The following COMMD10 variants were observed in gnomAD, a reference collection of about 807,000 sequenced individuals.
The protein encoded by COMMD10 is COMM domain-containing protein 10.
In COMMD10, 33 loss-of-function variants were observed where a neutral mutation model predicts 28.9. The ratio of observed to expected loss-of-function variants is 1.14; its 90% CI spans 0.87 to 1.53. The LOEUF (loss-of-function observed/expected upper bound fraction) is 1.53, where lower values mean the gene tolerates loss of function less well. COMMD10 is among the 40% of genes most tolerant of loss of function. The pLI, the probability that COMMD10 is intolerant of heterozygous loss-of-function variation, is 0.00. For missense variants in COMMD10, 310 were observed against 233.4 expected (o/e 1.33, Z -2.14); for synonymous variants, 110 against 81.7 (o/e 1.35, Z -1.87).
In COMMD10 at chr5:116,292,529, C is replaced by G. The variant is rs529094939; in HGVS notation, c.*40C>G. 3.2e-6 allele frequency: 5 copies of G among 1,541,780 alleles called. No homozygotes were observed. The East Asian group carries it at 1.1e-4, about 35-fold the overall frequency. On this transcript the variant is annotated 3_prime_UTR_variant, in exon 7 of 7. Transcript: ENST00000274458. The stretch of plus-strand genomic sequence containing the variant: ...GTTTTTTTCATCACGCTCCTGCCAC[C>G]TCATTATTTTGCATTGAAGATACAT...
chr5:116,166,719 C>G (rs549561547), intron 5 of COMMD10, among the ~76,000 whole-genome samples: 50 of 152,252 alleles, frequency 3.3e-4, no homozygotes, highest in African/African-American at 1.2e-3. Context: ...GAGTGGACCT[C>G]CAGCAAACTC....
At chr5:116,134,032 T>A (rs1284592701) in intron 4 of COMMD10, 36 bp from the exon 5 acceptor site, 1 of 1,161,890 alleles carries the variant, frequency 8.6e-7, no homozygotes, top group Non-Finnish European at 1.3e-6. Flanking sequence ...CTTCCTTCTG[T>A]ACCATCTGAT....
intron 5 of COMMD10, among the ~76,000 whole-genome samples, chr5:116,165,711 C>T (rs1753067494): frequency 6.7e-6 from 1 of 150,120 alleles, no homozygotes; most frequent in Admixed American, 6.6e-5. Flanking sequence ...TTTTTTCTTA[C>T]CTTGTTATTT....
intron 3 of COMMD10, among the ~76,000 whole-genome samples, chr5:116,091,615 C>T (rs1254010787): frequency 1.3e-5 from 2 of 152,148 alleles, no homozygotes; most frequent in African/African-American, 4.8e-5. Context: ...AGGCTCATCT[C>T]CTTTACTTGA....
At chr5:116,129,339 A>G (rs1293648289) in intron 4 of COMMD10, among the ~76,000 whole-genome samples, 1 of 146,084 alleles carries the variant, frequency 6.8e-6, no homozygotes, top group Non-Finnish European at 1.5e-5. Flanking sequence ...TTTTGTATAT[A>G]TAGTATAGTA....
At chr5:116,229,536 A>C (rs533036224) in intron 5 of COMMD10, among the ~76,000 whole-genome samples, 1 of 152,176 alleles carries the variant, frequency 6.6e-6, no homozygotes, top group East Asian at 1.9e-4. Context: ...TCAGCAAGCA[A>C]TTATTGAGCA....
At chr5:116,200,279 A>G (rs942453599) in intron 5 of COMMD10, among the ~76,000 whole-genome samples, 2 of 151,936 alleles carry the variant, frequency 1.3e-5, no homozygotes, top group African/African-American at 4.8e-5. Flanking sequence ...GTTTCTGAGG[A>G]AAAATTGGAT....
intron 5 of COMMD10, among the ~76,000 whole-genome samples, chr5:116,212,991 T>C (rs2112635607): frequency 1.3e-5 from 2 of 152,242 alleles, no homozygotes; most frequent in East Asian, 3.9e-4. Flanking sequence ...CTCTGTAAAT[T>C]ACACAATGAT....
intron 5 of COMMD10, among the ~76,000 whole-genome samples, chr5:116,177,720 G>A (rs976328796): frequency 5.9e-5 from 9 of 151,960 alleles, no homozygotes; most frequent in Non-Finnish European, 1.0e-4. Context: ...CTTTGCGTCT[G>A]GAAAAATCTA....
At chr5:116,275,022 C>G (rs912720832) in intron 5 of COMMD10, among the ~76,000 whole-genome samples, 40 of 151,754 alleles carry the variant, frequency 2.6e-4, no homozygotes, top group Non-Finnish European at 5.1e-4. Context: ...TTAAACTGAA[C>G]TTGAAATTCC....
intron 1 of COMMD10, 35 bp from the exon 2 acceptor site, chr5:116,087,462 C>T: frequency 7.3e-7 from 1 of 1,361,806 alleles, no homozygotes; most frequent in South Asian, 1.2e-5. Flanking sequence ...ACTTGGAAAA[C>T]TCATTTCAAA....
chr5:116,088,096 A>G (rs892638861), intron 2 of COMMD10, among the ~76,000 whole-genome samples: 1 of 152,172 alleles, frequency 6.6e-6, no homozygotes, highest in African/African-American at 2.4e-5. Flanking sequence ...GTAATTCTCT[A>G]CCTGGCCCAA....
chr5:116,110,187 A>G (rs942694358), intron 4 of COMMD10, among the ~76,000 whole-genome samples: 4 of 152,092 alleles, frequency 2.6e-5, no homozygotes, highest in East Asian at 1.9e-4. Context: ...TGACTTGTGT[A>G]TTTTGAACCA....
chr5:116,194,292 C>T (rs921767958), intron 5 of COMMD10, among the ~76,000 whole-genome samples: 1 of 151,824 alleles, frequency 6.6e-6, no homozygotes, highest in Non-Finnish European at 1.5e-5. Flanking sequence ...CAAACCCAAA[C>T]CCAGCAAAAG....
chr5:116,141,896 G>C (rs181438456), intron 5 of COMMD10, among the ~76,000 whole-genome samples: 38 of 151,798 alleles, frequency 2.5e-4, no homozygotes, highest in Admixed American at 7.9e-4. Flanking sequence ...TTAAATGTAG[G>C]ATAATGTCAT....
chr5:116,154,913 G>C (rs910197633), intron 5 of COMMD10, among the ~76,000 whole-genome samples: 1 of 151,968 alleles, frequency 6.6e-6, no homozygotes, highest in African/African-American at 2.4e-5. Context: ...GGAGTGCTTT[G>C]GGAAAGTACC....
intron 5 of COMMD10, among the ~76,000 whole-genome samples, chr5:116,161,280 T>C (rs555185752): frequency 1.1e-4 from 16 of 152,326 alleles, no homozygotes; most frequent in African/African-American, 3.8e-4. Flanking sequence ...TGAATGCTTA[T>C]CTCCTAGGGT....
intron 4 of COMMD10, among the ~76,000 whole-genome samples, chr5:116,098,942 C>T (rs1750557272): frequency 6.6e-6 from 1 of 152,178 alleles, no homozygotes; most frequent in Non-Finnish European, 1.5e-5. Flanking sequence ...TCTGTCACCA[C>T]ACAGTTACCA....
In COMMD10 at chr5:116,111,124, G is replaced by A. The variant is rs946684892; in HGVS notation, c.399+18424G>A. 3.9e-5 allele frequency among the ~76,000 whole-genome samples: 6 copies of A among 152,130 alleles called. No homozygotes were observed. In the South Asian group the frequency reaches 8.3e-4, roughly 21 times the overall value. On this transcript the variant is annotated intron_variant, in intron 4 of 6. Transcript: ENST00000274458. ...GAATTTTTCTCATATCATTTGTAAC[G>A]TCTCCATTTTGATTTCTTATTATAT...
Sources: allele counts gnomAD v4.1 joint callset (sites outside exome capture counted in the v4.1 genomes callset), GRCh38; gene constraint gnomAD v4.1.1; transcripts MANE v1.5; gene names NCBI Gene and HGNC (gene_info 2026-07-23, HGNC 2026-07-21).